Variants in ATOSA observed in about 807,000 individuals in gnomAD.
The protein encoded by ATOSA is atos homolog A.
At chr15:52,700,734 ATTGG>A in the ATOSA span, among the ~76,000 whole-genome samples, 1 of 152,152 alleles carries the variant, frequency 6.6e-6, no homozygotes, top group Non-Finnish European at 1.5e-5. Flanking sequence ...GCTTTCCTTT[ATTGG>A]AAAGCAAGCA....
chr15:52,641,155 T>C, the ATOSA span, among the ~76,000 whole-genome samples: 1 of 152,256 alleles, frequency 6.6e-6, no homozygotes, highest in Admixed American at 6.5e-5. Flanking sequence ...TACATATTTC[T>C]AGTCAATCGG....
chr15:52,609,550 T>C, the ATOSA span: 3 of 1,613,722 alleles, frequency 1.9e-6, no homozygotes, highest in East Asian at 4.5e-5. Context: ...AATACAAGTT[T>C]CACTTCGAGG....
At chr15:52,640,571 C>CA in the ATOSA span, among the ~76,000 whole-genome samples, 182 of 27,566 alleles carry the variant, frequency 6.6e-3, 57 homozygotes, top group African/African-American at 0.03. Flanking sequence ...ACTCAAGTCT[C>CA]AAAAAAAAAA....
chr15:52,582,194 G>T, the ATOSA span: 1 of 1,592,550 alleles, frequency 6.3e-7, no homozygotes, highest in Non-Finnish European at 8.5e-7. Flanking sequence ...TGGTGATTCA[G>T]TGTAAGATTT....
the ATOSA span, among the ~76,000 whole-genome samples, chr15:52,639,690 T>C: frequency 1.6e-3 from 237 of 152,354 alleles, no homozygotes; most frequent in African/African-American, 5.6e-3. Flanking sequence ...TTTAACACTG[T>C]TATAATGCTA....
chr15:52,641,771 T>C, the ATOSA span, among the ~76,000 whole-genome samples: 3 of 152,212 alleles, frequency 2.0e-5, no homozygotes, highest in African/African-American at 7.2e-5. Context: ...AAACAACACA[T>C]TTTCTGATTT....
At chr15:52,650,233 C>T in the ATOSA span, among the ~76,000 whole-genome samples, 1 of 152,012 alleles carries the variant, frequency 6.6e-6, no homozygotes, top group Non-Finnish European at 1.5e-5. Flanking sequence ...CCTTTCATAC[C>T]CCTACCCCTT....
At chr15:52,587,144 C>A in the ATOSA span, 2 of 1,613,394 alleles carry the variant, frequency 1.2e-6, no homozygotes, top group Admixed American at 1.7e-5. Context: ...GGCTATAAAA[C>A]ACATACCACT....
At chr15:52,645,738 T>C in the ATOSA span, among the ~76,000 whole-genome samples, 55 of 152,278 alleles carry the variant, frequency 3.6e-4, no homozygotes, top group African/African-American at 1.3e-3. Flanking sequence ...GACTCTCAAG[T>C]AGAAAATATT....
the ATOSA span, chr15:52,658,504 TAA>T: frequency 5.3e-6 from 2 of 378,194 alleles, no homozygotes; most frequent in Non-Finnish European, 9.3e-6. Flanking sequence ...CTACAGCACC[TAA>T]GAGAGGAAAC....
the ATOSA span, among the ~76,000 whole-genome samples, chr15:52,630,441 G>T: frequency 6.6e-6 from 1 of 152,116 alleles, no homozygotes; most frequent in African/African-American, 2.4e-5. Flanking sequence ...AAAGGTTAAT[G>T]AATATAAGAT....
the ATOSA span, among the ~76,000 whole-genome samples, chr15:52,655,172 CA>C: frequency 6.6e-6 from 1 of 152,128 alleles, no homozygotes. Context: ...CTTTCCCTAA[CA>C]ATTTCTTACA....
chr15:52,690,666 CAGA>C, the ATOSA span, among the ~76,000 whole-genome samples: 2 of 152,132 alleles, frequency 1.3e-5, no homozygotes, highest in South Asian at 4.1e-4. Flanking sequence ...CAGAATCCAA[CAGA>C]AGAAGAGAAT....
chr15:52,636,887 G>C, the ATOSA span, among the ~76,000 whole-genome samples: 3 of 152,262 alleles, frequency 2.0e-5, no homozygotes, highest in East Asian at 5.8e-4. Context: ...GGGGTTTCCA[G>C]AAGTTTTACA....
the ATOSA span, among the ~76,000 whole-genome samples, chr15:52,645,605 C>T: frequency 6.6e-5 from 10 of 152,120 alleles, no homozygotes; most frequent in African/African-American, 2.4e-4. Flanking sequence ...TCAGTGTTAT[C>T]GAGAAAACTT....
chr15:52,609,962 G>C, the ATOSA span: 1 of 1,613,122 alleles, frequency 6.2e-7, no homozygotes, highest in Non-Finnish European at 8.5e-7. Flanking sequence ...CTAAAGCCTA[G>C]AATATTGGCT....
the ATOSA span, chr15:52,677,923 G>T: frequency 6.5e-7 from 1 of 1,527,968 alleles, no homozygotes; most frequent in Non-Finnish European, 9.1e-7. Context: ...TGATCCTACT[G>T]CAGAATTAGG....
the ATOSA span, among the ~76,000 whole-genome samples, chr15:52,648,260 G>A: frequency 1.2e-4 from 18 of 152,116 alleles, no homozygotes; most frequent in African/African-American, 3.4e-4. Context: ...CCCAGAAGGT[G>A]AAACTATGCC....
At chr15:52,633,661 A>C in the ATOSA span, among the ~76,000 whole-genome samples, 1 of 152,172 alleles carries the variant, frequency 6.6e-6, no homozygotes, top group Non-Finnish European at 1.5e-5. Flanking sequence ...CCAAAGCAGA[A>C]TGCTTTTTTA....
Sources: gnomAD v4.1 joint callset for allele counts (sites outside exome capture counted in the v4.1 genomes callset) on GRCh38, gnomAD v4.1.1 for gene constraint, MANE v1.5 for transcripts, NCBI Gene and HGNC (gene_info 2026-07-23, HGNC 2026-07-21) for gene names.